GRM3: variants seen among roughly 807,000 people sequenced by gnomAD.
GRM3 encodes metabotropic glutamate receptor 3.
Under a neutral mutation model 70.5 loss-of-function variants are expected in GRM3, and 26 were observed. That is an observed-to-expected ratio of 0.37 (90% CI 0.27 to 0.51). The LOEUF is 0.51. Ranked by LOEUF, GRM3 falls within the 20% of genes least tolerant of loss-of-function variation. The probability of loss-of-function intolerance (pLI) is 0.93; values close to 1 mark genes in which losing one functional copy is unlikely to be tolerated. For synonymous variants in GRM3, 443 were observed against 434.9 expected (o/e 1.02, Z -0.23); for missense variants, 859 against 1,123.8 (o/e 0.76, Z 3.37).
intron 1 of GRM3, among the ~76,000 whole-genome samples, chr7:86,701,225 T>C (rs969660179): frequency 2.6e-5 from 4 of 151,932 alleles, no homozygotes; most frequent in African/African-American, 9.7e-5. Context: ...ATATCATGCA[T>C]GGTAACTATT....
At position 86,729,492 on chromosome 7, in the gene GRM3, A is replaced by G. The variant is rs1795673794; in HGVS notation, c.-140-35514A>G. ...TTAGTTTATGCTTCTAATTCCAAAC[A>G]CATTCTTTACTAACATGGAGGAAAG... On this transcript the variant is annotated intron_variant, in intron 1 of 5. Transcript: ENST00000361669. Among the ~76,000 whole-genome samples, 3 of 152,224 alleles carry G rather than the reference A, an allele frequency of 2.0e-5. No homozygotes were observed. In the South Asian group the frequency reaches 6.2e-4, roughly 31 times the overall value.
At chr7:86,652,086 C>G (rs1793620004) in intron 1 of GRM3, among the ~76,000 whole-genome samples, 1 of 152,116 alleles carries the variant, frequency 6.6e-6, no homozygotes, top group Admixed American at 6.5e-5. Context: ...ACGACCTTGT[C>G]TAAGACAAGC....
intron 3 of GRM3, among the ~76,000 whole-genome samples, chr7:86,800,081 C>T: frequency 6.6e-6 from 1 of 152,184 alleles, no homozygotes; most frequent in Non-Finnish European, 1.5e-5. Context: ...TCAAAAAGTT[C>T]TTTGAAACCA....
chr7:86,711,773 C>T (rs1795205638), intron 1 of GRM3, among the ~76,000 whole-genome samples: 1 of 152,098 alleles, frequency 6.6e-6, no homozygotes, highest in Non-Finnish European at 1.5e-5. Flanking sequence ...CTTTTTCCAC[C>T]TACCTCCATT....
rs372819130 is a variant in GRM3, at chr7:86,786,876, A to G, written c.1084A>G (p.Ser362Gly). 1.9e-6 allele frequency: 3 copies of G among 1,614,246 alleles called. No individual in the cohort carries two copies. The highest frequency in any genetic ancestry group is 1.3e-5 in the African/African-American group (1 of 75,072). ...RDFWEQKFQC[S>G]LQNKRNHRRV... ...CTTCTGGGAGCAAAAGTTTCAGTGC[A>G]GCCTCCAGAACAAACGCAACCACAG... The change falls in exon 3 of 6, where the codon AGC becomes GGC. Residue 362 changes from serine (S) to glycine (G), a missense_variant. Coordinates refer to ENST00000361669, the MANE Select transcript of GRM3 (RefSeq NM_000840.3). The surrounding 1 kb of genome is among the most constrained non-coding windows in gnomAD (Gnocchi z 6.0).
chr7:86,782,515 C>T (rs1280146251), intron 2 of GRM3, among the ~76,000 whole-genome samples: 6 of 152,120 alleles, frequency 3.9e-5, no homozygotes, highest in Admixed American at 2.0e-4. Flanking sequence ...ATCTTCCTGC[C>T]ACATCTTCTC....
intron 1 of GRM3, among the ~76,000 whole-genome samples, chr7:86,750,222 C>G (rs575107804): frequency 2.0e-5 from 3 of 151,896 alleles, no homozygotes; most frequent in Non-Finnish European, 4.4e-5. Context: ...AAAGATTATG[C>G]TAATCTACAC....
intron 1 of GRM3, among the ~76,000 whole-genome samples, chr7:86,667,270 A>G (rs189516692): frequency 1.8e-4 from 28 of 152,238 alleles, no homozygotes; most frequent in Admixed American, 5.2e-4. Context: ...AGAATAGTGG[A>G]TGATTCAACC....
At chr7:86,729,439 T>C (rs527315086) in intron 1 of GRM3, among the ~76,000 whole-genome samples, 8 of 152,370 alleles carry the variant, frequency 5.3e-5, no homozygotes, top group African/African-American at 1.4e-4. Context: ...GTCCTATTAA[T>C]AGCAGAAAAA....
At position 86,785,677 on chromosome 7, in the gene GRM3, T is replaced by C. The variant is rs548966005; in HGVS notation, c.469-584T>C. ...CTAAAATGTTGGGTGGTGGACTAAATAGAATTGATTTTTTTTTTTTTTTTT... is the reference window on the plus strand; with the variant it reads ...CTAAAATGTTGGGTGGTGGACTAAACAGAATTGATTTTTTTTTTTTTTTTT... On this transcript the variant is annotated intron_variant, in intron 2 of 5. Transcript: ENST00000361669. 9.1e-5 allele frequency among the ~76,000 whole-genome samples: 12 copies of C among 132,562 alleles called. No individual in the cohort carries two copies. In the South Asian group the frequency reaches 2.9e-3, roughly 32 times the overall value. 87.0% of individuals were successfully genotyped at this position (132,562 alleles called of 152,430 possible).
At chr7:86,676,079 C>A (rs59208508) in intron 1 of GRM3, among the ~76,000 whole-genome samples, 2,572 of 151,508 alleles carry the variant, frequency 0.017, 62 homozygotes, top group African/African-American at 0.056. Context: ...CAAAAAAAAA[C>A]CAAAAATACC....
chr7:86,688,417 A>G (rs1329748491), intron 1 of GRM3, among the ~76,000 whole-genome samples: 2 of 151,716 alleles, frequency 1.3e-5, no homozygotes, highest in South Asian at 2.1e-4. Flanking sequence ...TCAAAGTCAT[A>G]AAAGGGTTAA....
In GRM3 at chr7:86,644,686, C is replaced by T. The variant is rs894555434; in HGVS notation, c.-327C>T. 4.1e-6 allele frequency: 3 copies of T among 735,466 alleles called. No individual in the cohort carries two copies. The highest frequency in any genetic ancestry group is 1.3e-4 in the East Asian group (2 of 15,524). The allele number at this position is 735,466 out of a possible 1,614,324, so 45.6% of individuals were successfully genotyped here. A position where few individuals can be genotyped will look rare whatever the true frequency, so the allele number is the denominator to read the frequency against. On this transcript the variant is annotated 5_prime_UTR_variant, in exon 1 of 6. Transcript: ENST00000361669. ...GGGGGCACTGTGACAGGAAGCTGCG[C>T]GCACAAGTTGGCCATTTCGAGGGCA...
At chr7:86,684,958 T>TTA (rs926272815) in intron 1 of GRM3, among the ~76,000 whole-genome samples, 108 of 152,328 alleles carry the variant, frequency 7.1e-4, no homozygotes, top group African/African-American at 2.3e-3. Flanking sequence ...TGTAAAGTAC[T>TTA]TATAGTAACT....
At chr7:86,756,301 A>G (rs2116380252) in intron 1 of GRM3, among the ~76,000 whole-genome samples, 1 of 151,980 alleles carries the variant, frequency 6.6e-6, no homozygotes, top group African/African-American at 2.4e-5. Flanking sequence ...CTGGTCTCGA[A>G]CTCCTGACCT....
intron 2 of GRM3, among the ~76,000 whole-genome samples, chr7:86,774,119 C>A (rs1211270345): frequency 6.6e-6 from 1 of 152,068 alleles, no homozygotes; most frequent in Non-Finnish European, 1.5e-5. Flanking sequence ...GATATTTTGC[C>A]TTAATGACAC....
chr7:86,717,564 G>T (rs1016417825), intron 1 of GRM3, among the ~76,000 whole-genome samples: 7 of 151,850 alleles, frequency 4.6e-5, no homozygotes, highest in Admixed American at 2.6e-4. Flanking sequence ...AGCTTATATT[G>T]TGCCTTTAAA....
intron 1 of GRM3, among the ~76,000 whole-genome samples, chr7:86,663,103 G>A (rs1332549803): frequency 6.6e-6 from 1 of 151,650 alleles, no homozygotes; most frequent in Non-Finnish European, 1.5e-5. Context: ...CTATTATCTA[G>A]TAACAGAGAC....
At chr7:86,821,173 G>GGT (rs544086766) in intron 3 of GRM3, among the ~76,000 whole-genome samples, 1 of 151,558 alleles carries the variant, frequency 6.6e-6, no homozygotes, top group South Asian at 2.1e-4. Context: ...TGAATAAAGG[G>GGT]TTTTTTTTAA....
Sources: gnomAD v4.1 joint callset for allele counts (sites outside exome capture counted in the v4.1 genomes callset) on GRCh38, gnomAD v4.1.1 for gene constraint, Gnocchi (gnomAD v3.1) non-coding constraint, MANE v1.5 for transcripts, NCBI Gene and HGNC (gene_info 2026-07-23, HGNC 2026-07-21) for gene names.